ULK4: variants seen among roughly 807,000 people sequenced by gnomAD.
The protein encoded by ULK4 is inactive serine/threonine-protein kinase ULK4.
A neutral mutation model predicts 160.6 loss-of-function variants in ULK4; 133 were observed. The ratio of observed to expected loss-of-function variants is 0.83; its 90% confidence interval spans 0.72 to 0.96. The LOEUF is 0.96. Among genes scored for constraint, ULK4 ranks in the 40% least tolerant of loss-of-function variants. ULK4 has a pLI of 0.00. For missense variants in ULK4, 1,580 were observed against 1,499.5 expected (o/e 1.05, Z -0.89); for synonymous variants, 534 against 539.8 (o/e 0.99, Z 0.15).
chr3:41,857,149 G>T (rs2042381016), intron 17 of ULK4, among the ~76,000 whole-genome samples: 1 of 152,122 alleles, frequency 6.6e-6, no homozygotes, highest in African/African-American at 2.4e-5. Flanking sequence ...AAACTAGGCT[G>T]ACTAACTTCT....
At chr3:41,640,903 T>C (rs1361006056) in intron 30 of ULK4, among the ~76,000 whole-genome samples, 1 of 152,242 alleles carries the variant, frequency 6.6e-6, no homozygotes, top group Admixed American at 6.5e-5. Flanking sequence ...ACTTTGTCCC[T>C]GGAAACTCTC....
chr3:41,888,289 A>G (rs1479098740), intron 16 of ULK4, among the ~76,000 whole-genome samples: 2 of 152,340 alleles, frequency 1.3e-5, no homozygotes, highest in East Asian at 3.9e-4. Context: ...TGATCCCTCT[A>G]GAGTCTCTAA....
chr3:41,557,790 T>C, intron 32 of ULK4, among the ~76,000 whole-genome samples: 1 of 151,922 alleles, frequency 6.6e-6, no homozygotes, highest in Non-Finnish European at 1.5e-5. Flanking sequence ...TAAAATAAAA[T>C]AATTTAAAAA....
chr3:41,895,426 A>C, intron 16 of ULK4, 92 bp downstream of exon 16: 1 of 673,882 alleles, frequency 1.5e-6, no homozygotes, highest in South Asian at 2.7e-5. Context: ...ATTTATGATA[A>C]TTATTTAGGA....
intron 35 of ULK4, among the ~76,000 whole-genome samples, chr3:41,313,723 A>T (rs1344946195): frequency 6.6e-6 from 1 of 152,140 alleles, no homozygotes; most frequent in Admixed American, 6.5e-5. Flanking sequence ...TTATTTCTTC[A>T]GTTCTATAGT....
At chr3:41,404,206 T>C (rs1037513597) in intron 34 of ULK4, among the ~76,000 whole-genome samples, 1 of 148,816 alleles carries the variant, frequency 6.7e-6, no homozygotes, top group Admixed American at 6.8e-5. Flanking sequence ...GATTTGTCTA[T>C]TTATCTTTTT....
chr3:41,535,624 C>T (rs1054616099), intron 32 of ULK4, among the ~76,000 whole-genome samples: 3 of 152,168 alleles, frequency 2.0e-5, no homozygotes, highest in African/African-American at 7.2e-5. Flanking sequence ...TACTCAATGC[C>T]CACACAGTGG....
chr3:41,469,629 A>AAAAAAAAAAAAAAAC (rs2083925675), intron 32 of ULK4, among the ~76,000 whole-genome samples: 1 of 134,022 alleles, frequency 7.5e-6, no homozygotes. Flanking sequence ...AAAAAAAAAC[A>AAAAAAAAAAAAAAAC]CCTTAAAAGC....
At chr3:41,498,573 T>C (rs1438758001) in intron 32 of ULK4, among the ~76,000 whole-genome samples, 2 of 42,442 alleles carry the variant, frequency 4.7e-5, no homozygotes, top group African/African-American at 8.7e-5. Context: ...TCTTCTTTTT[T>C]TTCTTTTTTT....
chr3:41,760,698 T>C (rs539586853), intron 21 of ULK4, among the ~76,000 whole-genome samples: 129 of 152,306 alleles, frequency 8.5e-4, no homozygotes, highest in African/African-American at 3.1e-3. Context: ...AACATAAATA[T>C]TGTGCTTAGA....
rs372877339 is a variant in ULK4 at position 41,789,713 on chromosome 3, A to C, written c.2141T>G (p.Phe714Cys). 14 of 1,612,042 alleles carry C rather than the reference A, an allele frequency of 8.7e-6. No individual in the cohort carries two copies. Among genetic ancestry groups the C allele is most frequent in the Non-Finnish European group, 1.2e-5 (14 of 1,179,144 alleles). ...CKVQQYMLTLFAAMLSCGIHL... is the reference protein window; with the variant it reads ...CKVQQYMLTLCAAMLSCGIHL... ...AATCCCACAGGACAACATGGCAGCG[A>C]ATAAGGTCAACATGTACTGCTGAAC... Residue 714 changes from phenylalanine to cysteine, a missense_variant, in exon 21 of 37, where the codon TTC becomes TGC. Physicochemically the swap from Phe to Cys is radical, Grantham distance 205. Coordinates refer to ENST00000301831, the MANE Select transcript of ULK4 (RefSeq NM_017886.4).
At chr3:41,249,660 C>A in intron 35 of ULK4, 86 bp from the exon 36 acceptor site, 1 of 1,379,150 alleles carries the variant, frequency 7.3e-7, no homozygotes, top group Non-Finnish European at 1.0e-6. Context: ...AGTATCAGGC[C>A]TGCATGGTGC....
intron 32 of ULK4, among the ~76,000 whole-genome samples, chr3:41,474,526 T>G (rs536501202): frequency 6.6e-6 from 1 of 151,702 alleles, no homozygotes; most frequent in East Asian, 1.9e-4. Flanking sequence ...AAATATAAAG[T>G]TTCTGCACAA....
chr3:41,735,130 T>A (rs1200448191), intron 22 of ULK4, among the ~76,000 whole-genome samples: 1 of 152,092 alleles, frequency 6.6e-6, no homozygotes, highest in East Asian at 1.9e-4. Flanking sequence ...TTGATGAAAG[T>A]GGCATTTGGG....
intron 17 of ULK4, among the ~76,000 whole-genome samples, chr3:41,873,052 C>G (rs1341227178): frequency 6.6e-6 from 1 of 152,050 alleles, no homozygotes; most frequent in African/African-American, 2.4e-5. Context: ...ACTCGGGAGG[C>G]TGAGGTAGAG....
chr3:41,292,512 G>A (rs1379384613), intron 35 of ULK4, among the ~76,000 whole-genome samples: 3 of 152,142 alleles, frequency 2.0e-5, no homozygotes, highest in Non-Finnish European at 4.4e-5. Flanking sequence ...TGGGTGTGGT[G>A]GCAGGCACCT....
chr3:41,301,752 A>T (rs2079804378), intron 35 of ULK4, among the ~76,000 whole-genome samples: 1 of 152,224 alleles, frequency 6.6e-6, no homozygotes, highest in South Asian at 2.1e-4. Context: ...CAGATATGTC[A>T]TCACTAAAGT....
intron 19 of ULK4, among the ~76,000 whole-genome samples, chr3:41,801,009 C>CA (rs1228814669): frequency 1.3e-5 from 2 of 151,894 alleles, no homozygotes; most frequent in African/African-American, 4.8e-5. Flanking sequence ...GCAAAGAAGC[C>CA]AAAAAATATG....
chr3:41,474,390 G>A (rs767406951), intron 32 of ULK4, among the ~76,000 whole-genome samples: 4 of 152,158 alleles, frequency 2.6e-5, no homozygotes, highest in Admixed American at 6.5e-5. Context: ...CATAAGACCT[G>A]ACACTGAAAA....
Sources: allele counts gnomAD v4.1 joint callset (sites outside exome capture counted in the v4.1 genomes callset), GRCh38; gene constraint gnomAD v4.1.1; transcripts MANE v1.5; gene names NCBI Gene and HGNC (gene_info 2026-07-23, HGNC 2026-07-21).